The following DSCAML1 variants were observed in gnomAD, a reference collection of about 807,000 sequenced individuals.
The protein encoded by DSCAML1 is cell adhesion molecule DSCAML1.
A neutral mutation model predicts 200.5 loss-of-function variants in DSCAML1; 38 were observed. The ratio of observed to expected loss-of-function variants is 0.19; its 90% CI spans 0.15 to 0.25. DSCAML1 has a LOEUF of 0.25. DSCAML1 is among the 10% of genes least tolerant of loss of function. The pLI is 1.00. For missense variants in DSCAML1, 2,223 were observed against 2,858.8 expected (o/e 0.78, Z 5.07); for synonymous variants, 1,215 against 1,165.0 (o/e 1.04, Z -0.87).
intron 3 of DSCAML1, among the ~76,000 whole-genome samples, chr11:117,595,824 C>T (rs141116088): frequency 5.3e-4 from 81 of 151,686 alleles, no homozygotes; most frequent in African/African-American, 1.9e-3. Flanking sequence ...TTGCAACCAA[C>T]GTAAGACTGT....
At chr11:117,486,282 A>C (rs1833298218) in intron 11 of DSCAML1, among the ~76,000 whole-genome samples, 1 of 150,578 alleles carries the variant, frequency 6.6e-6, no homozygotes, top group South Asian at 2.1e-4. Flanking sequence ...AAAGTGGCGG[A>C]TGTGAAAATG....
At chr11:117,526,173 G>A (rs985003701) in intron 4 of DSCAML1, among the ~76,000 whole-genome samples, 2 of 152,188 alleles carry the variant, frequency 1.3e-5, no homozygotes, top group African/African-American at 4.8e-5. Context: ...TCCTGCCCCT[G>A]GGGGACCTCC....
chr11:117,684,435 TAAAAAAA>T (rs149958154), intron 3 of DSCAML1, among the ~76,000 whole-genome samples: 31 of 74,612 alleles, frequency 4.2e-4, no homozygotes, highest in South Asian at 4.0e-3. Flanking sequence ...TTTCATTAAC[TAAAAAAA>T]AAAAAAAAAA....
At chr11:117,799,191 C>T (rs1475599050), upstream of DSCAML1, among the ~76,000 whole-genome samples, 24 of 152,182 alleles carry the variant, frequency 1.6e-4, no homozygotes, top group Admixed American at 9.8e-4. Flanking sequence ...ATGCCCCCTC[C>T]CTTCTAAAGG....
At chr11:117,472,479 CCTT>C (rs1466173189) in intron 14 of DSCAML1, among the ~76,000 whole-genome samples, 1 of 152,170 alleles carries the variant, frequency 6.6e-6, no homozygotes, top group African/African-American at 2.4e-5. Context: ...CTTTTCTCCT[CCTT>C]TTGTGTGTGC....
Position 117,480,450 on chromosome 11 carries a change from G to C in DSCAML1, c.2778C>G (p.Asn926Lys). The C allele has an allele frequency of 2.5e-6, 4 of 1,613,660 alleles. No individual in the cohort carries two copies. Among genetic ancestry groups the C allele is most frequent in the Non-Finnish European group, 3.4e-6 (4 of 1,179,852 alleles). ...TCCTGGCCCAGCGCCTACCTGATTT[G>C]TTCTTGTATTCAATGTCGAAGCCCG... ...IITGFDIEYK[N>K]KSDSWDFKQS... Residue 926 changes from asparagine to lysine, a missense_variant, in exon 14 of 33, where the codon AAC becomes AAG. Coordinates refer to ENST00000651296, the MANE Select transcript of DSCAML1 (RefSeq NM_020693.4). This position sits in a 1 kb window ranked among gnomAD's most constrained non-coding sequence, Gnocchi z 4.1.
At chr11:117,478,590 A>C (rs913289806) in intron 14 of DSCAML1, among the ~76,000 whole-genome samples, 8 of 152,310 alleles carry the variant, frequency 5.3e-5, no homozygotes, top group African/African-American at 1.9e-4. Context: ...AGACATTGTT[A>C]GCGGCTCTCA....
rs1244858839 is a variant in DSCAML1 at position 117,498,394 on chromosome 11, G to A, written c.2359+5451C>T. 2.6e-5 allele frequency among the ~76,000 whole-genome samples: 4 copies of A among 152,194 alleles called. No homozygotes were observed. The highest frequency in any genetic ancestry group is 7.2e-5 in the African/African-American group (3 of 41,446). On this transcript the variant is annotated intron_variant, in intron 11 of 32. Coordinates refer to ENST00000651296, the MANE Select transcript of DSCAML1 (RefSeq NM_020693.4). The surrounding 1 kb of genome is among the most constrained non-coding windows in gnomAD (Gnocchi z 4.0). ...GAGGACAGTCTGTGGAGGAGCCCTC[G>A]GGAGGTCCTGGAAGCAGGGAATTCC...
intron 3 of DSCAML1, among the ~76,000 whole-genome samples, chr11:117,577,511 T>TTCCC (rs1694326662): frequency 1.8e-4 from 3 of 16,364 alleles, no homozygotes; most frequent in South Asian, 3.3e-3. Context: ...CCTTCCCTCC[T>TTCCC]TCCTTCCTTC....
chr11:117,569,643 A>T (rs115890139), intron 3 of DSCAML1, among the ~76,000 whole-genome samples: 1,852 of 152,268 alleles, frequency 0.012, 39 homozygotes, highest in African/African-American at 0.042. Context: ...TGACACTTGA[A>T]CTGAGATAAT....
chr11:117,430,518 C>T lies in DSCAML1; in HGVS notation c.5686+204G>A, dbSNP rs577550283. ...AGGTTAAATGACTTGCCCAAGGCCA[C>T]AGACATAGGAAGAGGTTAAGCCAGG... On this transcript the variant is annotated intron_variant, in intron 32 of 32. Coordinates refer to ENST00000651296, the MANE Select transcript of DSCAML1 (RefSeq NM_020693.4). Among the ~76,000 whole-genome samples the T allele has an allele frequency of 5.9e-5, 9 of 152,360 alleles. No individual in the cohort carries two copies. In the South Asian group the frequency reaches 1.9e-3, roughly 32 times the overall value.
chr11:117,624,924 T>C (rs1373397206), intron 3 of DSCAML1, among the ~76,000 whole-genome samples: 2 of 152,140 alleles, frequency 1.3e-5, no homozygotes, highest in East Asian at 3.9e-4. Context: ...TTGGTGATGT[T>C]TGAACTTGTG....
At chr11:117,630,055 G>A (rs2052137925) in intron 3 of DSCAML1, among the ~76,000 whole-genome samples, 1 of 152,192 alleles carries the variant, frequency 6.6e-6, no homozygotes, top group Non-Finnish European at 1.5e-5. Context: ...CAGGAACTGA[G>A]AGACAGCACA....
At chr11:117,573,363 G>A (rs2050879182) in intron 3 of DSCAML1, among the ~76,000 whole-genome samples, 1 of 152,178 alleles carries the variant, frequency 6.6e-6, no homozygotes, top group Non-Finnish European at 1.5e-5. Context: ...CTCTCAGCTG[G>A]GCTGCTGGGG....
chr11:117,644,011 G>T (rs1180260263), intron 3 of DSCAML1, among the ~76,000 whole-genome samples: 3 of 152,204 alleles, frequency 2.0e-5, no homozygotes, highest in Non-Finnish European at 2.9e-5. Flanking sequence ...CTACTGTCGG[G>T]GAAGAGGCTG....
rs754952489 is a variant in DSCAML1 at position 117,779,480 on chromosome 11, G to A, written c.364+1013C>T. On this transcript the variant is annotated intron_variant, in intron 2 of 32. Coordinates refer to ENST00000651296, the MANE Select transcript of DSCAML1 (RefSeq NM_020693.4). ...CCTTCACTGCTAAAAGTCTTTCATCGTGAATTTTACCAAATTGCCTTTTCT... is the reference window on the plus strand; with the variant it reads ...CCTTCACTGCTAAAAGTCTTTCATCATGAATTTTACCAAATTGCCTTTTCT... 1.3e-4 allele frequency among the ~76,000 whole-genome samples: 20 copies of A among 151,854 alleles called. 1 individual carries two copies. Among genetic ancestry groups the A allele is most frequent in the Non-Finnish European group, 7.4e-5 (5 of 67,984 alleles).
rs553631941 is a variant in DSCAML1 at position 117,709,182 on chromosome 11, A to G, written c.511+67609T>C. ...TGTGTGACCCTGTTGGCCATTAGCT[A>G]TCATGAAACAAGTGTGCATGGGCTG... On this transcript the variant is annotated intron_variant, in intron 3 of 32. Transcript: ENST00000651296. 5.3e-5 allele frequency among the ~76,000 whole-genome samples: 8 copies of G among 152,346 alleles called. No homozygotes were observed. The East Asian group carries it at 9.6e-4, about 18-fold the overall frequency.
At chr11:117,782,216 G>A (rs776805217) in intron 1 of DSCAML1, among the ~76,000 whole-genome samples, 13 of 152,330 alleles carry the variant, frequency 8.5e-5, no homozygotes, top group Non-Finnish European at 1.3e-4. Context: ...ACTCTGAACC[G>A]AGCCTCTGGG....
intron 3 of DSCAML1, among the ~76,000 whole-genome samples, chr11:117,582,928 G>A (rs918701027): frequency 5.9e-5 from 9 of 152,052 alleles, no homozygotes; most frequent in Non-Finnish European, 1.0e-4. Flanking sequence ...AGCACTTCAT[G>A]CTTTCAAAGT....
Sources: gnomAD v4.1 joint callset for allele counts (sites outside exome capture counted in the v4.1 genomes callset) on GRCh38, gnomAD v4.1.1 for gene constraint, Gnocchi (gnomAD v3.1) non-coding constraint, MANE v1.5 for transcripts, NCBI Gene and HGNC (gene_info 2026-07-23, HGNC 2026-07-21) for gene names.